Variants in PITPNA observed in about 807,000 individuals in gnomAD.
PITPNA encodes phosphatidylinositol transfer protein alpha isoform.
In PITPNA, 13 loss-of-function variants were observed where a neutral mutation model predicts 50.3. That is an observed-to-expected ratio of 0.26 (90% CI 0.17 to 0.41). PITPNA has a LOEUF of 0.41. PITPNA is among the 10% of genes least tolerant of loss of function. The pLI, the probability that PITPNA is intolerant of heterozygous loss-of-function variation, is 1.00. For synonymous variants in PITPNA, 120 were observed against 119.6 expected, an observed-to-expected ratio of 1.00 and a Z score of -0.02; for missense variants, 207 against 333.4, an observed-to-expected ratio of 0.62 and a Z score of 2.95.
chr17:1,523,864 G>C (rs1360893349), intron 10 of PITPNA, among the ~76,000 whole-genome samples: 1 of 150,960 alleles, frequency 6.6e-6, no homozygotes, highest in Non-Finnish European at 1.5e-5. Context: ...TCATTGTATT[G>C]CCCAGGCTAG....
intron 4 of PITPNA, among the ~76,000 whole-genome samples, chr17:1,547,802 TG>T (rs1343107139): frequency 2.0e-5 from 3 of 152,186 alleles, no homozygotes; most frequent in Non-Finnish European, 2.9e-5. Context: ...GAGACCAGCC[TG>T]GGCAACATGG....
chr17:1,556,624 C>T (rs1371312080), intron 2 of PITPNA, among the ~76,000 whole-genome samples: 2 of 152,168 alleles, frequency 1.3e-5, no homozygotes. Context: ...CACCCCTAAT[C>T]ACCACACTAA....
chr17:1,524,423 C>T (rs973689108), intron 10 of PITPNA, among the ~76,000 whole-genome samples: 2 of 148,728 alleles, frequency 1.3e-5, no homozygotes. Context: ...CCATGCAAGG[C>T]TAATTTTTGT....
chr17:1,560,650 G>A (rs1003930680), intron 1 of PITPNA, among the ~76,000 whole-genome samples: 3 of 152,126 alleles, frequency 2.0e-5, no homozygotes, highest in African/African-American at 2.4e-5. Context: ...CAGATTCTAG[G>A]GTTCATTTGG....
intron 7 of PITPNA, among the ~76,000 whole-genome samples, chr17:1,537,350 A>C (rs1202910623): frequency 6.6e-6 from 1 of 152,038 alleles, no homozygotes; most frequent in Non-Finnish European, 1.5e-5. Context: ...GGTGTGAGCC[A>C]CCGCACCTGG....
Position 1,562,756 on chromosome 17 carries a change from C to A in PITPNA, c.-196G>T, listed in dbSNP as rs1392655380. 1.2e-5 allele frequency: 2 copies of A among 172,564 alleles called. No individual in the cohort carries two copies. The highest frequency in any genetic ancestry group is 1.2e-5 in the Non-Finnish European group (1 of 86,012). 10.7% of individuals were successfully genotyped at this position (172,564 alleles called of 1,614,324 possible). A position where few individuals can be genotyped will look rare whatever the true frequency, so the allele number is the denominator to read the frequency against. ...GCCTCGTCGCCTCTCGCGCCGCTGC[C>A]GACGCCGCCCGGAGCTCCGGTTCCG... On this transcript the variant is annotated 5_prime_UTR_variant, in exon 1 of 12. Transcript: ENST00000313486. This position sits in a 1 kb window ranked among gnomAD's most constrained non-coding sequence, Gnocchi z 6.4.
At chr17:1,534,281 T>C in intron 9 of PITPNA, 60 bp from the exon 10 acceptor site, 1 of 1,606,572 alleles carries the variant, frequency 6.2e-7, no homozygotes, top group Non-Finnish European at 8.5e-7. Flanking sequence ...CCACAGCCCT[T>C]CTCTCCATGC....
rs1164840009 is a variant in PITPNA at position 1,519,488 on chromosome 17, A to G, written c.*1073T>C. 6.5e-6 allele frequency: 1 copy of G among 152,674 alleles called. No homozygotes were observed. The highest frequency in any genetic ancestry group is 1.5e-5 in the Non-Finnish European group (1 of 68,072). 9.5% of individuals were successfully genotyped at this position (152,674 alleles called of 1,614,324 possible). On this transcript the variant is annotated 3_prime_UTR_variant, in exon 12 of 12. Coordinates refer to ENST00000313486, the MANE Select transcript of PITPNA (RefSeq NM_006224.4). ...ACTCAACATGGGGGTAGGACGAGCT[A>G]AGTTCTTGATCCCCAAATTCCTTTC...
intron 10 of PITPNA, among the ~76,000 whole-genome samples, chr17:1,529,858 A>AG (rs1305757702): frequency 6.6e-6 from 1 of 151,484 alleles, no homozygotes; most frequent in African/African-American, 2.4e-5. Context: ...CTGTTTCAAA[A>AG]GAAAAAAAAA....
intron 1 of PITPNA, among the ~76,000 whole-genome samples, chr17:1,560,892 G>C (rs2075764735): frequency 6.6e-6 from 1 of 152,110 alleles, no homozygotes; most frequent in African/African-American, 2.4e-5. Flanking sequence ...TGACATGTGG[G>C]TCTCAGCTCC....
chr17:1,534,387 T>G (rs892398342), intron 9 of PITPNA, among the ~76,000 whole-genome samples, 166 bp from the exon 10 acceptor site: 1 of 152,110 alleles, frequency 6.6e-6, no homozygotes, highest in Non-Finnish European at 1.5e-5. Context: ...GTCAATGACC[T>G]TTGCCTTCAC....
chr17:1,521,722 G>A, intron 10 of PITPNA, 77 bp from the exon 11 acceptor site: 1 of 1,175,898 alleles, frequency 8.5e-7, no homozygotes, highest in Non-Finnish European at 1.3e-6. Flanking sequence ...CTGCCCATAG[G>A]TGGGGTGGGG....
At chr17:1,527,027 G>A (rs916154475) in intron 10 of PITPNA, among the ~76,000 whole-genome samples, 1 of 152,022 alleles carries the variant, frequency 6.6e-6, no homozygotes, top group Non-Finnish European at 1.5e-5. Flanking sequence ...CAAAGTGCTG[G>A]GATTACAGGT....
rs559601150 is a variant in PITPNA, at chr17:1,554,385, T to G, written c.52-1236A>C. On this transcript the variant is annotated intron_variant, in intron 2 of 11. Coordinates refer to ENST00000313486, the MANE Select transcript of PITPNA (RefSeq NM_006224.4). ...CCCCCGGGGGGAAGACAAGGGTGTT[T>G]CTCTATTTTTTTTTTTTTTTTTTTT... Among the ~76,000 whole-genome samples, 182 of 145,244 alleles carry G rather than the reference T, an allele frequency of 1.3e-3. 1 individual carries two copies. Among genetic ancestry groups the G allele is most frequent in the African/African-American group, 4.4e-3 (175 of 39,616 alleles).
In PITPNA at chr17:1,562,506, T is replaced by C. The variant is rs2151016572; in HGVS notation, c.20+35A>G. 1.0e-6 allele frequency: 1 copy of C among 953,578 alleles called. No individual in the cohort carries two copies. Among genetic ancestry groups the C allele is most frequent in the Non-Finnish European group, 1.5e-6 (1 of 677,466 alleles). The allele number at this position is 953,578 out of a possible 1,614,324, so 59.1% of individuals were successfully genotyped here. On this transcript the variant is annotated intron_variant, in intron 1 of 11. Coordinates refer to ENST00000313486, the MANE Select transcript of PITPNA (RefSeq NM_006224.4). The surrounding 1 kb of genome is among the most constrained non-coding windows in gnomAD (Gnocchi z 6.4). ...CCCCGGCGGCCGTCCCCACCCTCCC[T>C]CCTCCCCGCTTCCGCACGGCCGCCG...
chr17:1,528,288 ACAC>A (rs1165117211), intron 10 of PITPNA, among the ~76,000 whole-genome samples: 1 of 152,096 alleles, frequency 6.6e-6, no homozygotes, highest in Admixed American at 6.6e-5. Context: ...TTACAGGCAC[ACAC>A]CACCACACCT....
chr17:1,562,498 AC>A lies in PITPNA; in HGVS notation c.20+42del. 1 of 1,009,038 alleles carries A rather than the reference AC, an allele frequency of 9.9e-7. No homozygotes were observed. The highest frequency in any genetic ancestry group is 1.3e-6 in the Non-Finnish European group (1 of 743,146). 62.5% of individuals were successfully genotyped at this position (1,009,038 alleles called of 1,614,324 possible). On this transcript the variant is annotated intron_variant, in intron 1 of 11. Transcript: ENST00000313486. The surrounding 1 kb of genome is among the most constrained non-coding windows in gnomAD (Gnocchi z 6.4). ...CGCCGTCGCCCCGGCGGCCGTCCCC[AC>A]CCTCCCTCCTCCCCGCTTCCGCACG...
chr17:1,544,942 G>A (rs931974237), intron 4 of PITPNA, among the ~76,000 whole-genome samples: 25 of 152,176 alleles, frequency 1.6e-4, no homozygotes, highest in Middle Eastern at 3.4e-3. Flanking sequence ...GCAGTGAGCC[G>A]AGATTGCACC....
chr17:1,558,658 G>T, intron 1 of PITPNA, 99 bp from the exon 2 acceptor site: 1 of 835,700 alleles, frequency 1.2e-6, no homozygotes, highest in Non-Finnish European at 2.0e-6. Flanking sequence ...ATTCTATTGT[G>T]TAAGACACTA....
Sources: gnomAD v4.1 joint callset for allele counts (sites outside exome capture counted in the v4.1 genomes callset) on GRCh38, gnomAD v4.1.1 for gene constraint, Gnocchi (gnomAD v3.1) non-coding constraint, MANE v1.5 for transcripts, NCBI Gene and HGNC (gene_info 2026-07-23, HGNC 2026-07-21) for gene names.